PPP1R9A: variants seen among roughly 807,000 people sequenced by gnomAD.
PPP1R9A encodes the protein neurabin-1.
Under a neutral mutation model 141.9 loss-of-function variants are expected in PPP1R9A, and 59 were observed. The ratio of observed to expected loss-of-function variants is 0.42; its 90% confidence interval spans 0.34 to 0.52. The LOEUF (loss-of-function observed/expected upper bound fraction) is 0.52, where lower values mean the gene tolerates loss of function less well. Among genes scored for constraint, PPP1R9A ranks in the 20% least tolerant of loss-of-function variants. The probability of loss-of-function intolerance (pLI) is 0.10; values close to 1 mark genes in which losing one functional copy is unlikely to be tolerated. For synonymous variants in PPP1R9A, 500 were observed against 569.7 expected (o/e 0.88, Z 1.74); for missense variants, 1,444 against 1,611.9 (o/e 0.90, Z 1.78).
Position 94,911,227 on chromosome 7 carries a change from C to T in PPP1R9A, c.1114C>T (p.Pro372Ser). The change falls in exon 2 of 20, where the codon CCT becomes TCT. Residue 372 changes from proline to serine, a missense_variant. Pro to Ser is a moderately conservative substitution (Grantham distance 74, BLOSUM62 -1). Transcript: ENST00000433360. Reference protein sequence around the residue: ...KELAGGDFTSPDASASSCGKE... With the variant: ...KELAGGDFTSSDASASSCGKE... Reference sequence around the variant, plus strand: ...ACTTGCAGGTGGTGATTTCACCTCTCCTGATGCTTCTGCATCCAGTTGTGG... The same window carrying T: ...ACTTGCAGGTGGTGATTTCACCTCTTCTGATGCTTCTGCATCCAGTTGTGG... 6.2e-7 allele frequency: 1 copy of T among 1,614,160 alleles called. No homozygotes were observed. The highest frequency in any genetic ancestry group is 8.5e-7 in the Non-Finnish European group (1 of 1,180,030).
chr7:95,265,500 C>T (rs769420364), intron 12 of PPP1R9A, among the ~76,000 whole-genome samples: 1 of 152,182 alleles, frequency 6.6e-6, no homozygotes, highest in Non-Finnish European at 1.5e-5. Context: ...GATGGTCAGT[C>T]ACCCTTCTAG....
In PPP1R9A at chr7:94,927,654, A is replaced by G. The variant is rs1250371111; in HGVS notation, c.1395+16146A>G. ...GTTGATTTCGAGCTCTGCTGTGTAG[A>G]TATTGAGATAAATAAGACAAACCTT... On this transcript the variant is annotated intron_variant, in intron 2 of 19. Coordinates refer to ENST00000433360, the MANE Select transcript of PPP1R9A (RefSeq NM_001166160.2). Among the ~76,000 whole-genome samples the G allele has an allele frequency of 4.6e-5, 7 of 152,172 alleles. No homozygotes were observed. In the East Asian group the frequency reaches 9.6e-4, roughly 21 times the overall value.
At chr7:95,269,117 T>C (rs1801751308) in intron 13 of PPP1R9A, 90 bp from the exon 14 acceptor site, 1 of 1,261,700 alleles carries the variant, frequency 7.9e-7, no homozygotes. Context: ...GGGGATTCAC[T>C]AATAAAAGGT....
chr7:95,174,828 T>G (rs1832664622), intron 5 of PPP1R9A: 1 of 152,168 alleles, frequency 6.6e-6, no homozygotes, highest in African/African-American at 2.4e-5. Flanking sequence ...GTTTCTTGAG[T>G]CTACAGCTAT....
At chr7:95,020,179 A>G (rs1249518539) in intron 2 of PPP1R9A, among the ~76,000 whole-genome samples, 1 of 152,266 alleles carries the variant, frequency 6.6e-6, no homozygotes, top group East Asian at 1.9e-4. Context: ...ACCTGTAGTG[A>G]CATAAAGCAG....
rs1833870678 is a variant in PPP1R9A, at chr7:95,181,719, ACATATATATAGAATATATATATATTCCG to A, written c.1755-16629_1755-16602del. On this transcript the variant is annotated intron_variant, in intron 5 of 19. Transcript: ENST00000433360. ...ATATAGAATATATATATATTCCGTC[ACATATATATAGAATATATATATATTCCG>A]TCACATATATATAGAATATATATAT... Among the ~76,000 whole-genome samples the A allele has an allele frequency of 1.2e-4, 16 of 132,816 alleles. No individual in the cohort carries two copies. The South Asian group carries it at 3.6e-3, about 30-fold the overall frequency. The allele number at this position is 132,816 out of a possible 152,430, so 87.1% of individuals were successfully genotyped here. A position where few individuals can be genotyped will look rare whatever the true frequency, so the allele number is the denominator to read the frequency against.
intron 2 of PPP1R9A, among the ~76,000 whole-genome samples, chr7:94,941,386 C>T (rs775264737): frequency 1.3e-5 from 2 of 152,094 alleles, no homozygotes; most frequent in Admixed American, 6.6e-5. Context: ...CTAGTAATTA[C>T]AAGATTGGAA....
intron 4 of PPP1R9A, among the ~76,000 whole-genome samples, chr7:95,133,978 C>T (rs569046712): frequency 1.3e-5 from 2 of 152,276 alleles, no homozygotes; most frequent in Non-Finnish European, 1.5e-5. Context: ...CCACAACACT[C>T]GGCCCTAGGT....
At chr7:95,268,239 A>G (rs1431566511) in intron 12 of PPP1R9A, among the ~76,000 whole-genome samples, 1 of 152,140 alleles carries the variant, frequency 6.6e-6, no homozygotes, top group African/African-American at 2.4e-5. Flanking sequence ...ACTTCCCAAC[A>G]TGCATACACA....
chr7:94,997,529 G>T (rs1802349813), intron 2 of PPP1R9A, among the ~76,000 whole-genome samples: 1 of 152,134 alleles, frequency 6.6e-6, no homozygotes, highest in Admixed American at 6.6e-5. Flanking sequence ...CTACTAAGAT[G>T]TAACACTCTG....
intron 4 of PPP1R9A, among the ~76,000 whole-genome samples, chr7:95,123,160 G>A (rs759080015): frequency 1.7e-4 from 26 of 151,740 alleles, no homozygotes; most frequent in Non-Finnish European, 3.4e-4. Context: ...AATTAGGTTT[G>A]CTTTCTATTA....
chr7:94,935,856 TA>T (rs1327343186), intron 2 of PPP1R9A, among the ~76,000 whole-genome samples: 1 of 152,236 alleles, frequency 6.6e-6, no homozygotes, highest in Non-Finnish European at 1.5e-5. Flanking sequence ...TTGCGGATTT[TA>T]AATTTTCTTT....
intron 5 of PPP1R9A, among the ~76,000 whole-genome samples, chr7:95,185,855 CT>C (rs1196976932): frequency 1.3e-5 from 2 of 152,084 alleles, no homozygotes; most frequent in Non-Finnish European, 2.9e-5. Context: ...GGGTTTATTT[CT>C]GGGTTCTCTA....
chr7:94,986,998 G>C (rs1800935014), intron 2 of PPP1R9A, among the ~76,000 whole-genome samples: 1 of 152,174 alleles, frequency 6.6e-6, no homozygotes, highest in Non-Finnish European at 1.5e-5. Flanking sequence ...TCGGGGTATG[G>C]ATTGGGCCAC....
chr7:95,047,753 G>T (rs1484430610), intron 2 of PPP1R9A, among the ~76,000 whole-genome samples: 2 of 152,122 alleles, frequency 1.3e-5, no homozygotes, highest in Non-Finnish European at 2.9e-5. Context: ...TTGCATTGTG[G>T]TATGAGGCAC....
chr7:95,211,855 T>C (rs1481988028), intron 7 of PPP1R9A, among the ~76,000 whole-genome samples: 1 of 152,178 alleles, frequency 6.6e-6, no homozygotes, highest in Non-Finnish European at 1.5e-5. Context: ...GGCATGGCAT[T>C]GCTGCATGCC....
chr7:95,253,822 T>G (rs1799215143), intron 12 of PPP1R9A, among the ~76,000 whole-genome samples: 1 of 152,022 alleles, frequency 6.6e-6, no homozygotes, highest in Non-Finnish European at 1.5e-5. Context: ...TTTACCTTTT[T>G]GAATATTTTA....
At chr7:94,967,135 T>C (rs535378113) in intron 2 of PPP1R9A, among the ~76,000 whole-genome samples, 9 of 152,332 alleles carry the variant, frequency 5.9e-5, no homozygotes, top group African/African-American at 2.2e-4. Context: ...GATGGTAGTT[T>C]GTATTTCTGT....
At chr7:95,005,038 T>G (rs2151557453) in intron 2 of PPP1R9A, among the ~76,000 whole-genome samples, 1 of 152,334 alleles carries the variant, frequency 6.6e-6, no homozygotes, top group Middle Eastern at 3.4e-3. Context: ...AACTATATAC[T>G]TTCGTTTGTA....
Sources: gnomAD v4.1 joint callset for allele counts (sites outside exome capture counted in the v4.1 genomes callset) on GRCh38, gnomAD v4.1.1 for gene constraint, MANE v1.5 for transcripts, NCBI Gene and HGNC (gene_info 2026-07-23, HGNC 2026-07-21) for gene names.